ANO4: variants seen among roughly 807,000 people sequenced by gnomAD.
The protein encoded by ANO4 is anoctamin 4, also known as anoctamin-4.
Under a neutral mutation model 141.9 loss-of-function variants are expected in ANO4, and 69 were observed. The ratio of observed to expected loss-of-function variants is 0.49; its 90% CI spans 0.40 to 0.59. The LOEUF (loss-of-function observed/expected upper bound fraction) is 0.59. Ranked by LOEUF, ANO4 falls within the 20% of genes least tolerant of loss-of-function variation. The probability of loss-of-function intolerance (pLI) is 0.00; values close to 1 mark genes in which losing one functional copy is unlikely to be tolerated. For missense variants in ANO4, 894 were observed against 1,162.2 expected, an observed-to-expected ratio of 0.77 and a Z score of 3.36; for synonymous variants, 350 against 394.3, an observed-to-expected ratio of 0.89 and a Z score of 1.33.
Position 100,901,733 on chromosome 12 carries a change from G to C in ANO4, c.-53G>C. On this transcript the variant is annotated 5_prime_UTR_variant, in exon 2 of 28. Coordinates refer to ENST00000392977, the MANE Select transcript of ANO4 (RefSeq NM_001286615.2). ...GCAAGCCGCCCAGCGTCACGTCGTC[G>C]CCTGCCTGTGGTCAGGCATTCCTCA... is the stretch of plus-strand genomic sequence containing the variant. The C allele has an allele frequency of 6.4e-7, 1 of 1,551,770 alleles. No homozygotes were observed. The highest frequency in any genetic ancestry group is 8.9e-7 in the Non-Finnish European group (1 of 1,123,432).
chr12:101,066,306 A>G (rs2048583489), intron 14 of ANO4, among the ~76,000 whole-genome samples: 1 of 152,238 alleles, frequency 6.6e-6, no homozygotes, highest in South Asian at 2.1e-4. Flanking sequence ...CAAATTGGAA[A>G]GGAAGACATC....
intron 7 of ANO4, among the ~76,000 whole-genome samples, chr12:100,977,843 CTG>C (rs1309353644): frequency 2.0e-5 from 3 of 152,214 alleles, no homozygotes; most frequent in African/African-American, 7.2e-5. Context: ...CCTTTATAAA[CTG>C]TCCTCGCCCA....
intron 1 of ANO4, among the ~76,000 whole-genome samples, chr12:100,863,315 A>G (rs2038579626): frequency 6.6e-6 from 1 of 152,162 alleles, no homozygotes; most frequent in Non-Finnish European, 1.5e-5. Context: ...TACGGTAAGA[A>G]CTGGTCACCA....
At chr12:100,911,255 G>A (rs2041087995) in intron 2 of ANO4, among the ~76,000 whole-genome samples, 1 of 152,076 alleles carries the variant, frequency 6.6e-6, no homozygotes, top group Non-Finnish European at 1.5e-5. Context: ...CCTTGCCTAA[G>A]GTTATACAGC....
At chr12:100,924,103 A>T (rs1465878559) in intron 3 of ANO4, among the ~76,000 whole-genome samples, 2 of 151,922 alleles carry the variant, frequency 1.3e-5, no homozygotes, top group Non-Finnish European at 2.9e-5. Flanking sequence ...ATTCACTCTG[A>T]TGGTAGTTTC....
chr12:100,764,741 C>T (rs1315218217), intron 3 of ANO4, among the ~76,000 whole-genome samples: 1 of 152,184 alleles, frequency 6.6e-6, no homozygotes, highest in Non-Finnish European at 1.5e-5. Flanking sequence ...CTTAGCTGTC[C>T]ATGGCTGTTA....
chr12:100,884,661 C>T (rs1455376330), intron 1 of ANO4, among the ~76,000 whole-genome samples: 1 of 152,148 alleles, frequency 6.6e-6, no homozygotes, highest in African/African-American at 2.4e-5. Flanking sequence ...TGTGTTCCTT[C>T]TGTCTTTCTG....
intron 3 of ANO4, among the ~76,000 whole-genome samples, chr12:100,936,857 G>A (rs546493195): frequency 6.6e-6 from 1 of 152,288 alleles, no homozygotes; most frequent in South Asian, 2.1e-4. Flanking sequence ...GCCACCCTGA[G>A]AGAGAAGTTT....
chr12:100,723,459 G>A (rs543716121), intron 1 of ANO4, among the ~76,000 whole-genome samples: 113 of 152,106 alleles, frequency 7.4e-4, no homozygotes, highest in Non-Finnish European at 2.6e-4. Context: ...TGGGATCTCT[G>A]TCTCTTATAA....
chr12:101,006,044 T>G lies in ANO4; in HGVS notation c.735-13990T>G, dbSNP rs552154334. On this transcript the variant is annotated intron_variant, in intron 8 of 27. Transcript: ENST00000392977. ...CCTACTGTGCCTTACCAATAGGTTT[T>G]CAACCTCTGGCTCAATTAATGCATA... is the stretch of plus-strand genomic sequence containing the variant. Among the ~76,000 whole-genome samples, 5 of 152,302 alleles carry G rather than the reference T, an allele frequency of 3.3e-5. No homozygotes were observed. In the South Asian group the frequency reaches 1.0e-3, roughly 32 times the overall value.
chr12:101,112,659 C>T (rs948730088), intron 24 of ANO4, among the ~76,000 whole-genome samples: 1 of 152,102 alleles, frequency 6.6e-6, no homozygotes, highest in Non-Finnish European at 1.5e-5. Flanking sequence ...TGTAGCTGAT[C>T]GACCCCAAGG....
chr12:100,921,551 T>TA (rs1362521817), intron 2 of ANO4, among the ~76,000 whole-genome samples: 2 of 152,214 alleles, frequency 1.3e-5, no homozygotes, highest in African/African-American at 4.8e-5. Context: ...TTGTTCGTGA[T>TA]AAAGCTACTT....
intron 3 of ANO4, among the ~76,000 whole-genome samples, chr12:100,786,094 C>T (rs2033866132): frequency 6.6e-6 from 1 of 152,150 alleles, no homozygotes; most frequent in Admixed American, 6.5e-5. Context: ...GGCACACTAG[C>T]TAATCACTCC....
intron 8 of ANO4, among the ~76,000 whole-genome samples, chr12:100,998,388 T>TATCC (rs2045485654): frequency 6.7e-6 from 1 of 148,518 alleles, no homozygotes; most frequent in Non-Finnish European, 1.5e-5. Flanking sequence ...TTTATCTATC[T>TATCC]ATCTATCTAT....
intron 6 of ANO4, 163 bp from the exon 7 acceptor site, chr12:100,974,682 C>G: frequency 1.3e-6 from 1 of 774,564 alleles, no homozygotes; most frequent in Non-Finnish European, 2.3e-6. Context: ...AAACGCATGC[C>G]CTGTGTTCCC....
At chr12:101,013,900 T>A (rs55678984) in intron 8 of ANO4, among the ~76,000 whole-genome samples, 13,038 of 152,118 alleles carry the variant, frequency 0.086, 679 homozygotes, top group South Asian at 0.15. Context: ...AAGAGGAAAG[T>A]TTAGGAAAAA....
chr12:101,091,908 T>A (rs1377535959), intron 17 of ANO4, among the ~76,000 whole-genome samples: 2 of 152,098 alleles, frequency 1.3e-5, no homozygotes, highest in South Asian at 2.1e-4. Flanking sequence ...CCTAATGAAA[T>A]ATTATGCCTC....
chr12:100,983,419 C>A (rs895382214), intron 7 of ANO4, among the ~76,000 whole-genome samples: 2 of 152,180 alleles, frequency 1.3e-5, no homozygotes, highest in African/African-American at 2.4e-5. Flanking sequence ...AGAGGAGGCT[C>A]AACTGGTTTG....
intron 1 of ANO4, among the ~76,000 whole-genome samples, chr12:100,726,395 T>A (rs1944311585): frequency 6.6e-6 from 1 of 152,250 alleles, no homozygotes; most frequent in South Asian, 2.1e-4. Context: ...TCTCCCTTCC[T>A]GATTACACTT....
Sources: allele counts gnomAD v4.1 joint callset (sites outside exome capture counted in the v4.1 genomes callset), GRCh38; gene constraint gnomAD v4.1.1; transcripts MANE v1.5; gene names NCBI Gene and HGNC (gene_info 2026-07-23, HGNC 2026-07-21).